IL15: variants seen among roughly 807,000 people sequenced by gnomAD.
The protein encoded by IL15 is interleukin-15.
In IL15, 11 loss-of-function variants were observed where a neutral mutation model predicts 19.6. The ratio of observed to expected loss-of-function variants is 0.56; its 90% CI spans 0.35 to 0.93. The LOEUF (loss-of-function observed/expected upper bound fraction) is 0.93. IL15 is among the 40% of genes least tolerant of loss of function. IL15 has a pLI of 0.01. For missense variants in IL15, 197 were observed against 186.5 expected (o/e 1.06, Z -0.33); for synonymous variants, 58 against 59.6 (o/e 0.97, Z 0.12).
At chr4:141,666,257 G>A (rs112007495) in intron 2 of IL15, among the ~76,000 whole-genome samples, 3 of 152,038 alleles carry the variant, frequency 2.0e-5, no homozygotes, top group African/African-American at 7.2e-5. Context: ...CCCACCACTA[G>A]GTCCCCGGGC....
chr4:141,658,212 T>C (rs1560904948), intron 2 of IL15, among the ~76,000 whole-genome samples: 1 of 152,212 alleles, frequency 6.6e-6, no homozygotes, highest in East Asian at 1.9e-4. Context: ...GCTCTGGCCA[T>C]GTAACACATG....
intron 2 of IL15, among the ~76,000 whole-genome samples, chr4:141,711,476 G>A (rs55706905): frequency 0.11 from 16,864 of 152,072 alleles, 1,016 homozygotes; most frequent in Non-Finnish European, 0.14. Flanking sequence ...AGGACAATCT[G>A]TTTATAATAT....
rs183713319 is a variant in IL15, at chr4:141,651,330, A to G, written c.-221-4856A>G. Among the ~76,000 whole-genome samples, 49 of 152,222 alleles carry G rather than the reference A, an allele frequency of 3.2e-4. 1 individual carries two copies. The East Asian group carries it at 7.3e-3, about 23-fold the overall frequency. The stretch of plus-strand genomic sequence containing the variant: ...TATCTCAAGTGAAACAAATCAAAAC[A>G]GAAAGTCAAATGTGGTATATTGTCA... On this transcript the variant is annotated intron_variant, in intron 1 of 7. Transcript: ENST00000320650.
chr4:141,724,170 G>C (rs1302342894), intron 5 of IL15, among the ~76,000 whole-genome samples: 1 of 151,610 alleles, frequency 6.6e-6, no homozygotes, highest in Non-Finnish European at 1.5e-5. Context: ...TAAATACAAC[G>C]GGCAAATCTC....
intron 2 of IL15, among the ~76,000 whole-genome samples, chr4:141,672,335 A>G (rs944933415): frequency 1.3e-5 from 2 of 152,204 alleles, no homozygotes; most frequent in African/African-American, 2.4e-5. Context: ...GAAGATAAAT[A>G]TTTTAAGTCA....
rs1727596345 is a variant in IL15, at chr4:141,656,316, A to G, written c.-100+9A>G. 1 of 398,112 alleles carries G rather than the reference A, an allele frequency of 2.5e-6. No homozygotes were observed. Among genetic ancestry groups the G allele is most frequent in the African/African-American group, 2.1e-5 (1 of 48,614 alleles). 24.7% of individuals were successfully genotyped at this position (398,112 alleles called of 1,614,324 possible). On this transcript the variant is annotated intron_variant, in intron 2 of 7. Transcript: ENST00000320650. ...AGCCCATACAAGATCGTGTAAGTAA[A>G]GTTTTAAAAGTTTTATCATGCAATA...
intron 2 of IL15, among the ~76,000 whole-genome samples, chr4:141,684,388 A>G (rs140529488): frequency 6.6e-6 from 1 of 152,014 alleles, no homozygotes; most frequent in Non-Finnish European, 1.5e-5. Flanking sequence ...TTTTCTCTTC[A>G]GTTATGTATT....
chr4:141,649,424 AG>A (rs1727332857), intron 1 of IL15, among the ~76,000 whole-genome samples: 1 of 152,064 alleles, frequency 6.6e-6, no homozygotes, highest in South Asian at 2.1e-4. Flanking sequence ...AGGGACTACC[AG>A]TAGGAAGTGG....
chr4:141,723,209 G>A (rs1215117172), intron 5 of IL15, among the ~76,000 whole-genome samples: 1 of 152,152 alleles, frequency 6.6e-6, no homozygotes, highest in African/African-American at 2.4e-5. Flanking sequence ...GGGTTGAATA[G>A]TGTCCCCCCA....
intron 2 of IL15, among the ~76,000 whole-genome samples, chr4:141,698,831 G>T (rs1729187936): frequency 6.6e-6 from 1 of 151,134 alleles, no homozygotes; most frequent in African/African-American, 2.4e-5. Flanking sequence ...TTTTCATTTA[G>T]TTCTGCTCGG....
At chr4:141,710,760 T>C (rs942966489) in intron 2 of IL15, among the ~76,000 whole-genome samples, 3 of 152,308 alleles carry the variant, frequency 2.0e-5, no homozygotes, top group African/African-American at 4.8e-5. Context: ...TATTTTATTT[T>C]GGTTTGGAAA....
intron 1 of IL15, among the ~76,000 whole-genome samples, chr4:141,640,180 G>A (rs1449578452): frequency 2.0e-5 from 3 of 152,082 alleles, no homozygotes; most frequent in Admixed American, 6.6e-5. Context: ...ATTCCAGTAG[G>A]AACCTAATGT....
chr4:141,727,397 T>A (rs1172384660), intron 5 of IL15, among the ~76,000 whole-genome samples: 4 of 152,168 alleles, frequency 2.6e-5, no homozygotes, highest in Non-Finnish European at 4.4e-5. Flanking sequence ...ACATATGATA[T>A]GAGTCCGTTT....
At chr4:141,651,638 A>G (rs548288766) in intron 1 of IL15, among the ~76,000 whole-genome samples, 2 of 152,248 alleles carry the variant, frequency 1.3e-5, no homozygotes, top group South Asian at 4.1e-4. Flanking sequence ...TTAGTTTCCT[A>G]GAAGTATGTT....
chr4:141,641,556 C>T (rs1368986916), intron 1 of IL15, among the ~76,000 whole-genome samples: 1 of 151,970 alleles, frequency 6.6e-6, no homozygotes, highest in East Asian at 1.9e-4. Flanking sequence ...GTGGATGAAG[C>T]TGGAAACCAT....
At chr4:141,728,075 A>C (rs1393918707) in intron 6 of IL15, 91 bp downstream of exon 6, 1 of 657,912 alleles carries the variant, frequency 1.5e-6, no homozygotes, top group African/African-American at 1.9e-5. Context: ...TGGTAGTTTT[A>C]AAATCTAACT....
chr4:141,685,733 T>C (rs1173448919), intron 2 of IL15, among the ~76,000 whole-genome samples: 1 of 152,228 alleles, frequency 6.6e-6, no homozygotes, highest in Non-Finnish European at 1.5e-5. Context: ...TAGAATATTA[T>C]TGCATTAGCT....
intron 1 of IL15, among the ~76,000 whole-genome samples, chr4:141,645,062 A>G (rs1727182237): frequency 6.6e-6 from 1 of 152,150 alleles, no homozygotes; most frequent in Non-Finnish European, 1.5e-5. Flanking sequence ...TAGAGGGTTA[A>G]TAATTTAGAG....
chr4:141,728,202 TAA>T (rs1247860270), intron 6 of IL15, among the ~76,000 whole-genome samples: 1 of 152,060 alleles, frequency 6.6e-6, no homozygotes. Context: ...ATCAAAATAT[TAA>T]AAGAGTCTTT....
Sources: gnomAD v4.1 joint callset for allele counts (sites outside exome capture counted in the v4.1 genomes callset) on GRCh38, gnomAD v4.1.1 for gene constraint, MANE v1.5 for transcripts, NCBI Gene and HGNC (gene_info 2026-07-23, HGNC 2026-07-21) for gene names.